The following CD24 variants were observed in gnomAD, a reference collection of about 807,000 sequenced individuals.
The protein encoded by CD24 is signal transducer CD24.
CD24 carries 2 observed loss-of-function variants against 3.6 expected under a neutral mutation model. The ratio of observed to expected loss-of-function variants is 0.56; its 90% CI spans 0.23 to 1.77. CD24 has a LOEUF of 1.77. Ranked by LOEUF, CD24 falls within the 40% of genes most tolerant of loss-of-function variation. The probability of loss-of-function intolerance (pLI) is 0.18; values close to 1 mark genes in which losing one functional copy is unlikely to be tolerated. For missense variants in CD24, 62 were observed against 93.6 expected (o/e 0.66, Z 1.39); for synonymous variants, 33 against 44.9 (o/e 0.74, Z 1.06).
chr6:106,974,494 G>GGAC (rs1773055611), intron 1 of CD24, 84 bp downstream of exon 1: 2 of 775,208 alleles, frequency 2.6e-6, no homozygotes, highest in African/African-American at 3.7e-5. Flanking sequence ...CAGGAGCGCA[G>GGAC]GACGGTCCCC....
At chr6:106,972,963 A>C (rs1410143676) in intron 1 of CD24, among the ~76,000 whole-genome samples, 2 of 152,360 alleles carry the variant, frequency 1.3e-5, no homozygotes, top group Admixed American at 6.5e-5. Flanking sequence ...ACAACAACAA[A>C]AAAATCTTGA....
At chr6:106,975,888 C>A (rs1196533169), upstream of CD24, among the ~76,000 whole-genome samples, 1 of 152,226 alleles carries the variant, frequency 6.6e-6, no homozygotes, top group Non-Finnish European at 1.5e-5. Flanking sequence ...GAGATAAAGG[C>A]ATTTACTTAT....
chr6:106,976,164 T>C (rs1773105569), upstream of CD24, among the ~76,000 whole-genome samples: 1 of 152,240 alleles, frequency 6.6e-6, no homozygotes, highest in African/African-American at 2.4e-5. Context: ...TGGTTGTAAA[T>C]TTGTTTAAAT....
At chr6:106,972,982 A>C (rs1166412660) in intron 1 of CD24, among the ~76,000 whole-genome samples, 1 of 152,172 alleles carries the variant, frequency 6.6e-6, no homozygotes, top group East Asian at 1.9e-4. Context: ...GATCAAGTCA[A>C]ATTTATTTAT....
At chr6:106,974,172 G>C in intron 1 of CD24, 1 of 362,430 alleles carries the variant, frequency 2.8e-6, no homozygotes, top group Non-Finnish European at 4.8e-6. Context: ...GACATTCCTA[G>C]GGGAAAGCGA....
intron 1 of CD24, chr6:106,973,978 C>G: frequency 2.5e-6 from 1 of 398,242 alleles, no homozygotes; most frequent in Non-Finnish European, 4.4e-6. Flanking sequence ...TCGCAGAGAG[C>G]GCAGCGTCAG....
In CD24 at chr6:106,971,783, T is replaced by C; in HGVS notation, c.121A>G (p.Thr41Ala). ...TTTGGGGCCAACCCAGAGTTGGAAG[T>C]ACTCTGGGAGGAGTTACTTGAAGTT... ...TGTSSNSSQS[T>A]SNSGLAPNPT... Residue 41 changes from threonine (T) to alanine (A), a missense_variant, in exon 2 of 2, where the codon ACT (threonine) becomes GCT (alanine). Transcript: ENST00000606017. 1.9e-6 allele frequency: 3 copies of C among 1,551,460 alleles called. No homozygotes were observed. Among genetic ancestry groups the C allele is most frequent in the South Asian group, 2.4e-5 (2 of 84,024 alleles).
chr6:106,975,977 CT>C (rs1360004246), upstream of CD24, among the ~76,000 whole-genome samples: 7,606 of 152,320 alleles, frequency 0.05, 250 homozygotes, highest in South Asian at 0.11. Context: ...TGGTGGAATA[CT>C]TTTTTCCTAT....
intron 1 of CD24, among the ~76,000 whole-genome samples, chr6:106,972,713 G>A (rs1773004153): frequency 1.3e-5 from 2 of 152,106 alleles, no homozygotes; most frequent in Non-Finnish European, 2.9e-5. Flanking sequence ...TGGAACAAAG[G>A]CAGATCGGAG....
Position 106,970,532 on chromosome 6 carries a change from C to G in CD24, c.*1129G>C, listed in dbSNP as rs1772944879. ...GCAGAAATAAAAAGCATTTTGATGG[C>G]TGGGCGCGGGGGCTCAAGCCTGTAA... On this transcript the variant is annotated 3_prime_UTR_variant, in exon 2 of 2. Coordinates refer to ENST00000606017, the MANE Select transcript of CD24 (RefSeq NM_001359084.1). 1 of 152,368 alleles carries G rather than the reference C, an allele frequency of 6.6e-6. No individual in the cohort carries two copies. Among genetic ancestry groups the G allele is most frequent in the South Asian group, 2.1e-4 (1 of 4,826 alleles). 9.4% of individuals were successfully genotyped at this position (152,368 alleles called of 1,614,324 possible).
chr6:106,970,184 G>A lies in CD24; in HGVS notation c.*1477C>T, dbSNP rs1173230826. 1 of 152,404 alleles carries A rather than the reference G, an allele frequency of 6.6e-6. No homozygotes were observed. Among genetic ancestry groups the A allele is most frequent in the Non-Finnish European group, 1.5e-5 (1 of 68,036 alleles). 9.4% of individuals were successfully genotyped at this position (152,404 alleles called of 1,614,324 possible). On this transcript the variant is annotated 3_prime_UTR_variant, in exon 2 of 2. Transcript: ENST00000606017. ...AAAAAGGTTTATGTGTGTCGAGGCA[G>A]TTGTAAAAGATTTACTGCAGAATCA...
intron 1 of CD24, 69 bp downstream of exon 1, chr6:106,974,509 A>G: frequency 1.1e-6 from 1 of 894,486 alleles, no homozygotes; most frequent in East Asian, 3.3e-5. Context: ...GTCCCCCGGG[A>G]CCGGGTCCAT....
upstream of CD24, chr6:106,974,898 C>G (rs1333160529): frequency 6.6e-6 from 1 of 152,604 alleles, no homozygotes; most frequent in African/African-American, 2.4e-5. Context: ...CCACTGCCAC[C>G]GCCGCTCCGG....
chr6:106,970,921 T>C lies in CD24; in HGVS notation c.*740A>G, dbSNP rs1772955815. On this transcript the variant is annotated 3_prime_UTR_variant, in exon 2 of 2. Coordinates refer to ENST00000606017, the MANE Select transcript of CD24 (RefSeq NM_001359084.1). ...AGTGCTCTTGTTGAATGGAAACAGG[T>C]GATAGGAAATGCCTACCATTTGACT... The C allele has an allele frequency of 6.6e-6, 1 of 152,234 alleles. No homozygotes were observed. The highest frequency in any genetic ancestry group is 2.4e-5 in the African/African-American group (1 of 41,454). 9.4% of individuals were successfully genotyped at this position (152,234 alleles called of 1,614,324 possible). A position where few individuals can be genotyped will look rare whatever the true frequency, so the allele number is the denominator to read the frequency against.
rs1200142716 is a variant in CD24 at position 106,970,466 on chromosome 6, A to G, written c.*1195T>C. ...TCAAGATTTGCAATTTTGCCTTCAAAACAGATCATTTTTTTAAATTGTAAA... is the reference window on the plus strand; with the variant it reads ...TCAAGATTTGCAATTTTGCCTTCAAGACAGATCATTTTTTTAAATTGTAAA... On this transcript the variant is annotated 3_prime_UTR_variant, in exon 2 of 2. Transcript: ENST00000606017. The G allele has an allele frequency of 6.6e-6, 1 of 152,612 alleles. No homozygotes were observed. The highest frequency in any genetic ancestry group is 1.5e-5 in the Non-Finnish European group (1 of 68,042). 9.5% of individuals were successfully genotyped at this position (152,612 alleles called of 1,614,324 possible).
chr6:106,974,863 T>G (rs1773068266), upstream of CD24: 3 of 223,528 alleles, frequency 1.3e-5, no homozygotes, highest in Non-Finnish European at 2.5e-5. Context: ...CCGCTCCGGG[T>G]TCCCCAGCGC....
chr6:106,974,498 G>C lies in CD24; in HGVS notation c.69+80C>G, dbSNP rs944548438. The C allele has an allele frequency of 8.1e-5, 64 of 791,474 alleles. No homozygotes were observed. In the African/African-American group the frequency reaches 1.2e-3, roughly 14 times the overall value. 49.0% of individuals were successfully genotyped at this position (791,474 alleles called of 1,614,324 possible). ...GTGGCCCGAGGCAGGAGCGCAGGAC[G>C]GTCCCCCGGGACCGGGTCCATCTCC... On this transcript the variant is annotated intron_variant, in intron 1 of 1. Coordinates refer to ENST00000606017, the MANE Select transcript of CD24 (RefSeq NM_001359084.1).
At chr6:106,974,501 C>A in intron 1 of CD24, 77 bp downstream of exon 1, 3 of 819,240 alleles carry the variant, frequency 3.7e-6, no homozygotes, top group Non-Finnish European at 5.3e-6. Flanking sequence ...GCAGGACGGT[C>A]CCCCGGGACC....
At chr6:106,976,195 T>C (rs1044484566), upstream of CD24, among the ~76,000 whole-genome samples, 2,947 of 152,320 alleles carry the variant, frequency 0.019, 33 homozygotes, top group South Asian at 0.052. Flanking sequence ...CAGAACACTC[T>C]CGTTAGTATT....
Sources: gnomAD v4.1 joint callset for allele counts (sites outside exome capture counted in the v4.1 genomes callset) on GRCh38, gnomAD v4.1.1 for gene constraint, MANE v1.5 for transcripts, NCBI Gene and HGNC (gene_info 2026-07-23, HGNC 2026-07-21) for gene names.